Variants in RNF213 observed in about 807,000 individuals in gnomAD.
The protein encoded by RNF213 is ring finger protein 213.
RNF213 carries 341 observed loss-of-function variants against 514.4 expected under a neutral mutation model. The observed-to-expected ratio is 0.66, with a 90% CI of 0.61 to 0.73. The LOEUF (loss-of-function observed/expected upper bound fraction) is 0.73. Ranked by LOEUF, RNF213 falls within the 30% of genes least tolerant of loss-of-function variation. The probability of loss-of-function intolerance (pLI) is 0.00; values close to 1 mark genes in which losing one functional copy is unlikely to be tolerated. For synonymous variants in RNF213, 2,655 were observed against 2,658.2 expected (o/e 1.00, Z 0.04); for missense variants, 5,767 against 6,615.6 (o/e 0.87, Z 4.45).
chr17:80,366,269 G>T (rs1046251939), intron 42 of RNF213, among the ~76,000 whole-genome samples: 7 of 152,200 alleles, frequency 4.6e-5, no homozygotes, highest in African/African-American at 1.7e-4. Context: ...CCTTGAAGGG[G>T]AATTCCTGGA....
chr17:80,372,722 G>A lies in RNF213; in HGVS notation c.12739G>A (p.Glu4247Lys). 3.1e-6 allele frequency: 5 copies of A among 1,613,472 alleles called. No homozygotes were observed. Among genetic ancestry groups the A allele is most frequent in the Non-Finnish European group, 4.2e-6 (5 of 1,180,018 alleles). ...DRAADFLSEPEGGPEMAKEKQ... is the reference protein window; with the variant it reads ...DRAADFLSEPKGGPEMAKEKQ... ...AGCTGCAGATTTCCTCTCGGAGCCT[G>A]AGGGAGGCCCAGGCAAGTCTTCTCT... Residue 4247 changes from glutamate to lysine, a missense_variant, in exon 48 of 68, where the codon GAG (glutamate) becomes AAG (lysine). By Grantham distance (56) the Glu-to-Lys change is moderately conservative. Coordinates refer to ENST00000582970, the MANE Select transcript of RNF213 (RefSeq NM_001256071.3).
chr17:80,370,016 C>T, intron 46 of RNF213, 149 bp downstream of exon 46: 1 of 708,510 alleles, frequency 1.4e-6, no homozygotes, highest in Admixed American at 2.0e-5. Flanking sequence ...GTTACTTGTA[C>T]TGGTTGTGTA....
At position 80,379,661 on chromosome 17, in the gene RNF213, T is replaced by G; in HGVS notation, c.13587T>G (p.His4529Gln). 2 of 1,614,260 alleles carry G rather than the reference T, an allele frequency of 1.2e-6. No homozygotes were observed. Among genetic ancestry groups the G allele is most frequent in the Non-Finnish European group, 1.7e-6 (2 of 1,180,048 alleles). ...AACAGAGCATCTGCATTGACTGCCA[T>G]GCGCCGATTGGAGGCATTGACCACA... ...PMEQSICIDC[H>Q]APIGGIDHKP... Residue 4529 changes from histidine to glutamine, a missense_variant, in exon 55 of 68, where the codon CAT becomes CAG. Around this residue, in one of 13 missense-constraint regions of RNF213, gnomAD observed 1,245 missense variants for 1,339.0 expected, o/e 0.93. Transcript: ENST00000582970.
rs1209508558 is a variant in RNF213 at position 80,355,658 on chromosome 17, G to T, written c.10862+1082G>T. On this transcript the variant is annotated intron_variant, in intron 36 of 67. Transcript: ENST00000582970. ...ACAGGGGAAGAAGCGGGGTGGACGG[G>T]AATGGGGGCTTACAGGGGGAAGAAG... Among the ~76,000 whole-genome samples, 2 of 50,778 alleles carry T rather than the reference G, an allele frequency of 3.9e-5. 1 individual carries two copies. The highest frequency in any genetic ancestry group is 9.0e-5 in the Non-Finnish European group (2 of 22,118). The allele number at this position is 50,778 out of a possible 152,430, so 33.3% of individuals were successfully genotyped here.
Position 80,264,211 on chromosome 17 carries a change from G to C in RNF213, c.97+433G>C, listed in dbSNP as rs1049597376. 3.3e-5 allele frequency among the ~76,000 whole-genome samples: 5 copies of C among 152,182 alleles called. No individual in the cohort carries two copies. The highest frequency in any genetic ancestry group is 1.2e-4 in the African/African-American group (5 of 41,438). On this transcript the variant is annotated intron_variant, in intron 2 of 67. Coordinates refer to ENST00000582970, the MANE Select transcript of RNF213 (RefSeq NM_001256071.3). This position sits in a 1 kb window ranked among gnomAD's most constrained non-coding sequence, Gnocchi z 5.0. ...CTTCCCCTTGGGAATGAGAAGTGTC[G>C]GGCTGAGCTGAGGGCTTCATAGAGA...
chr17:80,372,404 C>T (rs2079551453), intron 47 of RNF213, 117 bp from the exon 48 acceptor site: 2 of 764,530 alleles, frequency 2.6e-6, no homozygotes, highest in Non-Finnish European at 4.4e-6. Context: ...ACACTGAAAC[C>T]TACAGTAACA....
chr17:80,351,934 A>G, intron 32 of RNF213, 131 bp downstream of exon 32: 2 of 588,862 alleles, frequency 3.4e-6, no homozygotes, highest in South Asian at 3.7e-5. Context: ...AGCTCACTAC[A>G]ACCTCAATCT....
rs934730911 is a variant in RNF213 at position 80,346,512 on chromosome 17, C to T, written c.8177C>T (p.Thr2726Ile). 9.3e-6 allele frequency: 15 copies of T among 1,613,590 alleles called. No homozygotes were observed. The African/African-American group carries it at 1.6e-4, about 17-fold the overall frequency. Residue 2726 changes from threonine to isoleucine, a missense_variant, in exon 29 of 68, where the codon ACA (threonine) becomes ATA (isoleucine). By Grantham distance (89) the Thr-to-Ile change is moderately conservative (BLOSUM62 -1). Transcript: ENST00000582970. This position sits in a 1 kb window ranked among gnomAD's most constrained non-coding sequence, Gnocchi z 8.1. ...AGCAGGCTGCTTCTGGATGAAATAA[C>T]ACGGGCACAGGATCTTTTTCTGGAC... The part of the protein sequence containing the change: ...DDSRLLLDEI[T>I]RAQDLFLDGV...
chr17:80,383,609 T>C (rs911323212), intron 58 of RNF213, 68 bp from the exon 59 acceptor site: 1 of 1,543,972 alleles, frequency 6.5e-7, no homozygotes, highest in Non-Finnish European at 8.9e-7. Context: ...GTGGAGTTAC[T>C]GGGTGTTACA....
Position 80,377,619 on chromosome 17 carries a change from C to T in RNF213, c.13511-143C>T. On this transcript the variant is annotated intron_variant, in intron 53 of 67. Transcript: ENST00000582970. The surrounding 1 kb of genome is among the most constrained non-coding windows in gnomAD (Gnocchi z 4.1). ...TAAGCTTCAGGCAGGTGTCATGTAA[C>T]TTAACAAATTAGCGTGGGATGCTCT... 1.1e-6 allele frequency: 1 copy of T among 874,138 alleles called. No homozygotes were observed. The highest frequency in any genetic ancestry group is 1.6e-5 in the African/African-American group (1 of 60,996). 54.1% of individuals were successfully genotyped at this position (874,138 alleles called of 1,614,324 possible).
Position 80,390,098 on chromosome 17 carries a change from T to C in RNF213, c.15372T>C (p.Thr5124=), listed in dbSNP as rs960543418. 1 of 1,614,216 alleles carries C rather than the reference T, an allele frequency of 6.2e-7. No homozygotes were observed. The highest frequency in any genetic ancestry group is 8.5e-7 in the Non-Finnish European group (1 of 1,180,038). The change falls in exon 67 of 68, where the codon ACT becomes ACC. Residue 5124 remains threonine, a synonymous_variant. Coordinates refer to ENST00000582970, the MANE Select transcript of RNF213 (RefSeq NM_001256071.3). ...AKLLSTFLNQ[T]GLDAFLLELH... Reference sequence around the variant, plus strand: ...TCCTCAGCACATTCCTAAATCAGACTGGCCTAGACGCCTTCCTGCTAGAGC... The same window carrying C: ...TCCTCAGCACATTCCTAAATCAGACCGGCCTAGACGCCTTCCTGCTAGAGC...
chr17:80,319,516 T>C (rs772188461), intron 17 of RNF213: 6 of 1,613,394 alleles, frequency 3.7e-6, no homozygotes, highest in Non-Finnish European at 4.2e-6. Context: ...GCACAGTCCC[T>C]GCTGCTCGCA....
chr17:80,299,247 C>T (rs1169279702), intron 11 of RNF213, among the ~76,000 whole-genome samples: 1 of 146,336 alleles, frequency 6.8e-6, no homozygotes, highest in African/African-American at 2.6e-5. Flanking sequence ...AGAGTGCCAG[C>T]CTTGTATTGA....
chr17:80,388,581 T>A (rs1347128609), intron 63 of RNF213, 31 bp from the exon 64 acceptor site: 1 of 1,475,146 alleles, frequency 6.8e-7, no homozygotes, highest in African/African-American at 1.4e-5. Flanking sequence ...ATGGATTTAA[T>A]TTTAAAAAAC....
At chr17:80,390,331 C>T in intron 67 of RNF213, 135 bp downstream of exon 67, 1 of 1,003,482 alleles carries the variant, frequency 1.0e-6, no homozygotes, top group Non-Finnish European at 1.5e-6. Context: ...TACCAGGGCA[C>T]CTGAGGACTG....
chr17:80,266,903 C>G (rs989517441), intron 2 of RNF213, among the ~76,000 whole-genome samples: 2 of 152,078 alleles, frequency 1.3e-5, no homozygotes, highest in Non-Finnish European at 2.9e-5. Context: ...GCCTCTTGCA[C>G]CAAATGGTTA....
intron 26 of RNF213, chr17:80,340,855 AG>A (rs2078137102): frequency 6.3e-6 from 1 of 159,904 alleles, no homozygotes; most frequent in Admixed American, 6.0e-5. Flanking sequence ...CCCAGATTGG[AG>A]TACAGTGGCG....
Position 80,340,166 on chromosome 17 carries a change from C to G in RNF213, c.5799C>G (p.Asp1933Glu). Residue 1933 changes from aspartate (D) to glutamate (E), a missense_variant, in exon 26 of 68, where the codon GAC becomes GAG. Physicochemically the swap from Asp to Glu is conservative, Grantham distance 45. Transcript: ENST00000582970. ...AGCTCGTCATGGTCTGTGATGGGGA[C>G]TGGGAGCACTGCTACCTCCCCTCTG... ...DYQLVMVCDG[D>E]WEHCYLPSAF... 6.2e-6 allele frequency: 10 copies of G among 1,614,056 alleles called. No homozygotes were observed. The highest frequency in any genetic ancestry group is 8.5e-6 in the Non-Finnish European group (10 of 1,179,994).
Position 80,317,101 on chromosome 17 carries a change from C to T in RNF213, c.2812-87C>T, listed in dbSNP as rs957254831. 3.1e-5 allele frequency: 44 copies of T among 1,412,814 alleles called. No homozygotes were observed. In the African/African-American group the frequency reaches 3.4e-4, roughly 11 times the overall value. 87.5% of individuals were successfully genotyped at this position (1,412,814 alleles called of 1,614,324 possible). ...CGGAGTCCCGCGCTCTCTGTATTGC[C>T]GTAATGCTCTGTCTTTCTCCTTTCA... On this transcript the variant is annotated intron_variant, in intron 15 of 67. Coordinates refer to ENST00000582970, the MANE Select transcript of RNF213 (RefSeq NM_001256071.3). The surrounding 1 kb of genome is among the most constrained non-coding windows in gnomAD (Gnocchi z 4.1).
Sources: gnomAD v4.1 joint callset for allele counts (sites outside exome capture counted in the v4.1 genomes callset) on GRCh38, gnomAD v4.1.1 for gene constraint, gnomAD v4.1.1 regional missense constraint, Gnocchi (gnomAD v3.1) non-coding constraint, MANE v1.5 for transcripts, NCBI Gene and HGNC (gene_info 2026-07-23, HGNC 2026-07-21) for gene names.